Variants in TMEFF2 observed in about 807,000 individuals in gnomAD.
TMEFF2 encodes tomoregulin-2.
A neutral mutation model predicts 53.8 loss-of-function variants in TMEFF2; 28 were observed. The observed-to-expected ratio is 0.52, with a 90% CI of 0.39 to 0.71. TMEFF2 has a LOEUF of 0.71. Ranked by LOEUF, TMEFF2 falls within the 30% of genes least tolerant of loss-of-function variation. The pLI is 0.00. For missense variants in TMEFF2, 353 were observed against 455.2 expected, an observed-to-expected ratio of 0.78 and a Z score of 2.04; for synonymous variants, 162 against 166.3, an observed-to-expected ratio of 0.97 and a Z score of 0.20.
chr2:191,992,069 GAAATCTTGAAA>G (rs375526560), intron 7 of TMEFF2, among the ~76,000 whole-genome samples: 20 of 152,186 alleles, frequency 1.3e-4, no homozygotes, highest in African/African-American at 4.3e-4. Flanking sequence ...CTTTCCCTCA[GAAATCTTGAAA>G]AAATCTTGAC....
intron 5 of TMEFF2, chr2:192,030,841 A>G (rs1687114817): frequency 6.6e-6 from 1 of 152,256 alleles, no homozygotes; most frequent in African/African-American, 2.4e-5. Flanking sequence ...ACAGGGGAAC[A>G]GAAGGCAAGC....
At chr2:192,166,229 T>C (rs1398602547) in intron 4 of TMEFF2, among the ~76,000 whole-genome samples, 1 of 152,198 alleles carries the variant, frequency 6.6e-6, no homozygotes, top group Non-Finnish European at 1.5e-5. Context: ...TTCTTACTCC[T>C]TGTCTTGTTC....
At chr2:192,003,923 G>GTT (rs1686429870) in intron 5 of TMEFF2, among the ~76,000 whole-genome samples, 1 of 125,720 alleles carries the variant, frequency 8.0e-6, no homozygotes, top group African/African-American at 3.4e-5. Flanking sequence ...ATTTGTGTGT[G>GTT]TGTGTGGGGG....
At chr2:192,083,268 C>G (rs941291504) in intron 4 of TMEFF2, among the ~76,000 whole-genome samples, 1 of 152,060 alleles carries the variant, frequency 6.6e-6, no homozygotes, top group Non-Finnish European at 1.5e-5. Flanking sequence ...AATCACTGCC[C>G]CCTTCCTAGT....
chr2:192,151,649 G>A (rs1047012855), intron 4 of TMEFF2, among the ~76,000 whole-genome samples: 7 of 151,848 alleles, frequency 4.6e-5, no homozygotes, highest in Admixed American at 2.0e-4. Flanking sequence ...AGTGTAAACA[G>A]GAACCAGAGA....
chr2:192,020,862 A>G (rs1246274589), intron 5 of TMEFF2, among the ~76,000 whole-genome samples: 1 of 152,110 alleles, frequency 6.6e-6, no homozygotes, highest in African/African-American at 2.4e-5. Context: ...TTGACTTGCA[A>G]CCATCTCTGT....
intron 4 of TMEFF2, among the ~76,000 whole-genome samples, chr2:192,073,742 C>G (rs1455304401): frequency 1.3e-5 from 2 of 151,920 alleles, no homozygotes; most frequent in African/African-American, 4.8e-5. Flanking sequence ...TAATTGACTT[C>G]TCAATGTATA....
In TMEFF2 at chr2:191,955,166, AGAGAGAGG is replaced by A. The variant is rs201838687; in HGVS notation, c.869+1081_869+1088del. On this transcript the variant is annotated intron_variant, in intron 8 of 9. Coordinates refer to ENST00000272771, the MANE Select transcript of TMEFF2 (RefSeq NM_016192.4). ...GGAGGGGGGAGGGAGGAAGAGTGGG[AGAGAGAGG>A]GAGAGAGAGAGAGAGAGAGAAATCT... 6.7e-4 allele frequency among the ~76,000 whole-genome samples: 73 copies of A among 108,918 alleles called. 6 individuals carry two copies. The South Asian group carries it at 9.5e-3, about 14-fold the overall frequency. The allele number at this position is 108,918 out of a possible 152,430, so 71.5% of individuals were successfully genotyped here. A position where few individuals can be genotyped will look rare whatever the true frequency, so the allele number is the denominator to read the frequency against.
At chr2:192,106,286 T>A (rs1355020961) in intron 4 of TMEFF2, among the ~76,000 whole-genome samples, 1 of 151,720 alleles carries the variant, frequency 6.6e-6, no homozygotes, top group Admixed American at 6.6e-5. Context: ...ATAAAATATA[T>A]GTACAGAAAA....
chr2:192,040,233 C>T (rs373992201), intron 5 of TMEFF2, among the ~76,000 whole-genome samples: 11 of 152,046 alleles, frequency 7.2e-5, no homozygotes, highest in African/African-American at 2.7e-4. Context: ...CAGAGATAAG[C>T]CTTTTGATTA....
At chr2:192,146,279 A>G (rs1025107097) in intron 4 of TMEFF2, among the ~76,000 whole-genome samples, 1 of 151,898 alleles carries the variant, frequency 6.6e-6, no homozygotes, top group Admixed American at 6.6e-5. Context: ...ACTGACAGAA[A>G]CTCCAGGTTT....
At chr2:192,117,506 G>T (rs1171409353) in intron 4 of TMEFF2, among the ~76,000 whole-genome samples, 1 of 152,072 alleles carries the variant, frequency 6.6e-6, no homozygotes, top group East Asian at 1.9e-4. Context: ...AAGTTAAAAA[G>T]AAAATTTTTT....
intron 5 of TMEFF2, chr2:192,043,711 T>C (rs1443850470): frequency 6.6e-6 from 1 of 152,218 alleles, no homozygotes; most frequent in Non-Finnish European, 1.5e-5. Context: ...AAACCCCGCA[T>C]TGGTTCCATG....
At chr2:192,149,395 G>A (rs72918181) in intron 4 of TMEFF2, among the ~76,000 whole-genome samples, 7,167 of 152,014 alleles carry the variant, frequency 0.047, 229 homozygotes, top group Non-Finnish European at 0.071. Flanking sequence ...AGCATAGTGA[G>A]GGGGGAGGAA....
intron 5 of TMEFF2, among the ~76,000 whole-genome samples, chr2:192,003,929 G>GTGTGT (rs1553512499): frequency 8.5e-6 from 1 of 117,480 alleles, no homozygotes; most frequent in Admixed American, 7.7e-5. Flanking sequence ...GTGTGTGTGT[G>GTGTGT]GGGGGGGGGC....
chr2:192,133,556 T>C lies in TMEFF2; in HGVS notation c.439+46112A>G, dbSNP rs542814174. On this transcript the variant is annotated intron_variant, in intron 4 of 9. Coordinates refer to ENST00000272771, the MANE Select transcript of TMEFF2 (RefSeq NM_016192.4). ...GCCTTACAAGTTAGTTCAGGATCTATGCCTTATCAACTAAATTGTTTTGCC... is the reference window on the plus strand; with the variant it reads ...GCCTTACAAGTTAGTTCAGGATCTACGCCTTATCAACTAAATTGTTTTGCC... 3.9e-4 allele frequency among the ~76,000 whole-genome samples: 60 copies of C among 152,358 alleles called. No homozygotes were observed. In the East Asian group the frequency reaches 7.1e-3, roughly 18 times the overall value.
intron 4 of TMEFF2, among the ~76,000 whole-genome samples, chr2:192,069,521 A>G (rs1486835570): frequency 6.6e-6 from 1 of 151,830 alleles, no homozygotes; most frequent in African/African-American, 2.4e-5. Flanking sequence ...AAAAAAAAGA[A>G]AACAAACCAA....
intron 4 of TMEFF2, among the ~76,000 whole-genome samples, chr2:192,058,966 TCA>T (rs1687980671): frequency 6.8e-6 from 1 of 147,870 alleles, no homozygotes; most frequent in Non-Finnish European, 1.5e-5. Context: ...TATTTTCTCT[TCA>T]TTTCTTTTTT....
intron 4 of TMEFF2, among the ~76,000 whole-genome samples, chr2:192,152,792 C>A (rs1396696702): frequency 6.6e-6 from 1 of 151,880 alleles, no homozygotes; most frequent in Non-Finnish European, 1.5e-5. Context: ...GAATAACCTA[C>A]AGGCCACTAA....
Sources: allele counts gnomAD v4.1 joint callset (sites outside exome capture counted in the v4.1 genomes callset), GRCh38; gene constraint gnomAD v4.1.1; transcripts MANE v1.5; gene names NCBI Gene and HGNC (gene_info 2026-07-23, HGNC 2026-07-21).